SLC27A4: variants seen among roughly 807,000 people sequenced by gnomAD.
SLC27A4 encodes long-chain fatty acid transport protein 4.
In SLC27A4, 33 loss-of-function variants were observed where a neutral mutation model predicts 64.4. That is an observed-to-expected ratio of 0.51 (90% confidence interval 0.39 to 0.68). The LOEUF (loss-of-function observed/expected upper bound fraction) is 0.68, where lower values mean the gene tolerates loss of function less well. Among genes scored for constraint, SLC27A4 ranks in the 30% least tolerant of loss-of-function variants. The probability of loss-of-function intolerance (pLI) is 0.00; values close to 1 mark genes in which losing one functional copy is unlikely to be tolerated. For missense variants in SLC27A4, 824 were observed against 883.5 expected, an observed-to-expected ratio of 0.93 and a Z score of 0.85; for synonymous variants, 377 against 370.0, an observed-to-expected ratio of 1.02 and a Z score of -0.22.
In SLC27A4 at chr9:128,361,193, G is replaced by A. The variant is rs970340057; in HGVS notation, c.*702G>A. 1 of 155,236 alleles carries A rather than the reference G, an allele frequency of 6.4e-6. No homozygotes were observed. The highest frequency in any genetic ancestry group is 1.9e-4 in the East Asian group (1 of 5,214). The allele number at this position is 155,236 out of a possible 1,614,324, so 9.6% of individuals were successfully genotyped here. ...AGGAGGAATGGGAGAGGGGGCTCAG[G>A]GGCCAATAAACTCTGCCTTGAGTCC... On this transcript the variant is annotated 3_prime_UTR_variant, in exon 13 of 13. Transcript: ENST00000300456.
intron 1 of SLC27A4, chr9:128,342,911 C>T (rs1404480825): frequency 3.3e-6 from 2 of 602,034 alleles, no homozygotes; most frequent in Admixed American, 5.9e-5. Flanking sequence ...CTGCTTCTCA[C>T]TCTTGGAATT....
At chr9:128,359,082 A>T (rs1011060796) in intron 12 of SLC27A4, among the ~76,000 whole-genome samples, 1 of 152,226 alleles carries the variant, frequency 6.6e-6, no homozygotes, top group Admixed American at 6.5e-5. Context: ...GTGTGTGTAC[A>T]GGGAGGGGAG....
rs146902785 is a variant in SLC27A4, at chr9:128,345,349, A to T, written c.356A>T (p.Gln119Leu). Residue 119 changes from glutamine (Q) to leucine (L), a missense_variant, in exon 3 of 13, where the codon CAG (glutamine) becomes CTG (leucine). Transcript: ENST00000300456. This position sits in a 1 kb window ranked among gnomAD's most constrained non-coding sequence, Gnocchi z 4.1. ...TCAAGCAGTGTAGCCAACTTCCTGC[A>T]GGCCCGGGGCCTGGCCTCGGGCGAT... ...EYSSSVANFL[Q>L]ARGLASGDVA... 2.7e-4 allele frequency: 441 copies of T among 1,613,714 alleles called. No individual in the cohort carries two copies. Among genetic ancestry groups the T allele is most frequent in the Non-Finnish European group, 3.6e-4 (429 of 1,180,022 alleles).
At chr9:128,355,366 G>A in intron 10 of SLC27A4, 32 bp from the exon 11 acceptor site, 1 of 1,612,408 alleles carries the variant, frequency 6.2e-7, no homozygotes, top group Non-Finnish European at 8.5e-7. Context: ...AGCTGGCCAG[G>A]CCCAGCCCTG....
chr9:128,357,116 G>A (rs1441409285), intron 12 of SLC27A4, among the ~76,000 whole-genome samples: 5 of 148,052 alleles, frequency 3.4e-5, no homozygotes, highest in Non-Finnish European at 7.5e-5. Context: ...AAAAAAATTA[G>A]CCAGGCATGG....
At position 128,352,198 on chromosome 9, in the gene SLC27A4, A is replaced by C. The variant is rs561491647; in HGVS notation, c.878-440A>C. ...CGACAGAGCGAGACTCCGTCTCAAA[A>C]AAAAAAAAAAAAGTTGTTTTAAATT... On this transcript the variant is annotated intron_variant, in intron 6 of 12. Coordinates refer to ENST00000300456, the MANE Select transcript of SLC27A4 (RefSeq NM_005094.4). 3.8e-3 allele frequency among the ~76,000 whole-genome samples: 581 copies of C among 152,080 alleles called. 3 individuals are homozygous for C. Among genetic ancestry groups the C allele is most frequent in the Non-Finnish European group, 6.8e-3 (459 of 67,938 alleles).
chr9:128,358,907 T>A (rs1269504436), intron 12 of SLC27A4, among the ~76,000 whole-genome samples: 1 of 152,234 alleles, frequency 6.6e-6, no homozygotes. Context: ...AGGTGGAAGA[T>A]GCAAGGTCCC....
Position 128,353,074 on chromosome 9 carries a change from C to T in SLC27A4, c.1037C>T (p.Pro346Leu), listed in dbSNP as rs1411152989. ...TGCCGCTACCTCCTGAACCAGCCACCGCGGGAGGCAGAAAACCAGCACCAG... is the reference window on the plus strand; with the variant it reads ...TGCCGCTACCTCCTGAACCAGCCACTGCGGGAGGCAGAAAACCAGCACCAG... The part of the protein sequence containing the change: ...ELCRYLLNQP[P>L]REAENQHQVR... The change falls in exon 8 of 13, where the codon CCG becomes CTG. Residue 346 changes from proline (P) to leucine (L), a missense_variant. Physicochemically the swap from Pro to Leu is moderately conservative, Grantham distance 98 (BLOSUM62 -3). Transcript: ENST00000300456. The surrounding 1 kb of genome is among the most constrained non-coding windows in gnomAD (Gnocchi z 4.9). The T allele has an allele frequency of 8.7e-6, 14 of 1,613,972 alleles. No homozygotes were observed. The highest frequency in any genetic ancestry group is 5.0e-5 in the Admixed American group (3 of 59,980).
In SLC27A4 at chr9:128,355,122, A is replaced by G. The variant is rs558640688; in HGVS notation, c.1394A>G (p.Asn465Ser). 2.5e-6 allele frequency: 4 copies of G among 1,613,552 alleles called. No individual in the cohort carries two copies. The highest frequency in any genetic ancestry group is 2.2e-5 in the South Asian group (2 of 91,060). The change falls in exon 10 of 13, where the codon AAC becomes AGC. Residue 465 changes from asparagine to serine, a missense_variant. Asn to Ser is a conservative substitution (Grantham distance 46). Transcript: ENST00000300456. ...DPLRRFDGYLNQGANNKKIAK... is the reference protein window; with the variant it reads ...DPLRRFDGYLSQGANNKKIAK... The stretch of plus-strand genomic sequence containing the variant: ...CTGCGCCGCTTCGATGGCTACCTCA[A>G]CCAGGGCGCCAACAACAAGAAGATT...
At position 128,343,234 on chromosome 9, in the gene SLC27A4, G is replaced by T; in HGVS notation, c.102G>T (p.Leu34Phe). Residue 34 changes from leucine to phenylalanine, a missense_variant, in exon 2 of 13, where the codon TTG becomes TTT. By Grantham distance (22) the Leu-to-Phe change is conservative (BLOSUM62 0). Coordinates refer to ENST00000300456, the MANE Select transcript of SLC27A4 (RefSeq NM_005094.4). The stretch of plus-strand genomic sequence containing the variant: ...GATTCTCCCTGTTGTTCCTCTACTT[G>T]GGATCTGGCGGCTGGCGCTTCATCC... ...QVGFSLLFLY[L>F]GSGGWRFIRV... 6.2e-7 allele frequency: 1 copy of T among 1,614,166 alleles called. No individual in the cohort carries two copies. Among genetic ancestry groups the T allele is most frequent in the Non-Finnish European group, 8.5e-7 (1 of 1,180,028 alleles).
chr9:128,356,609 G>A (rs539334340), intron 12 of SLC27A4, among the ~76,000 whole-genome samples: 12 of 152,300 alleles, frequency 7.9e-5, no homozygotes, highest in Non-Finnish European at 1.5e-4. Context: ...TTCGAGACCA[G>A]CCTGCCCAAC....
intron 2 of SLC27A4, among the ~76,000 whole-genome samples, chr9:128,343,543 T>G (rs1832609534): frequency 6.6e-6 from 1 of 152,188 alleles, no homozygotes; most frequent in Non-Finnish European, 1.5e-5. Flanking sequence ...AGGCTTGGCC[T>G]AGGACGTACA....
chr9:128,359,416 G>T (rs968894000), intron 12 of SLC27A4, among the ~76,000 whole-genome samples: 1 of 152,134 alleles, frequency 6.6e-6, no homozygotes, highest in Non-Finnish European at 1.5e-5. Context: ...CTGAGATCAG[G>T]AGTTCGAGAC....
At position 128,345,354 on chromosome 9, in the gene SLC27A4, C is replaced by T. The variant is rs772343794; in HGVS notation, c.361C>T (p.Arg121Trp). 10 of 1,613,754 alleles carry T rather than the reference C, an allele frequency of 6.2e-6. No homozygotes were observed. The highest frequency in any genetic ancestry group is 2.2e-5 in the East Asian group (1 of 44,866). Reference protein sequence around the residue: ...SSSVANFLQARGLASGDVAAI... With the variant: ...SSSVANFLQAWGLASGDVAAI... ...CAGTGTAGCCAACTTCCTGCAGGCC[C>T]GGGGCCTGGCCTCGGGCGATGTGGC... Residue 121 changes from arginine to tryptophan, a missense_variant, in exon 3 of 13, where the codon CGG (arginine) becomes TGG (tryptophan). Transcript: ENST00000300456. This position sits in a 1 kb window ranked among gnomAD's most constrained non-coding sequence, Gnocchi z 4.1.
intron 12 of SLC27A4, among the ~76,000 whole-genome samples, chr9:128,356,591 G>A (rs779190707): frequency 6.6e-6 from 1 of 152,172 alleles, no homozygotes; most frequent in Non-Finnish European, 1.5e-5. Flanking sequence ...ATCACTTGAG[G>A]TCAGGAGTTC....
rs139712194 is a variant in SLC27A4 at position 128,345,513 on chromosome 9, G to A, written c.520G>A (p.Ala174Thr). The A allele has an allele frequency of 2.1e-4, 345 of 1,608,926 alleles. No homozygotes were observed. The highest frequency in any genetic ancestry group is 2.8e-4 in the Non-Finnish European group (328 of 1,178,316). The stretch of plus-strand genomic sequence containing the variant: ...GCTCCACTGCCTCACCACCTCGCGC[G>A]CACGGGCCCTTGTCTTTGGCAGCGA... ...ALLHCLTTSRARALVFGSEMA... is the reference protein window; with the variant it reads ...ALLHCLTTSRTRALVFGSEMA... The change falls in exon 3 of 13, where the codon GCA (alanine) becomes ACA (threonine). Residue 174 changes from alanine (A) to threonine (T), a missense_variant. By Grantham distance (58) the Ala-to-Thr change is moderately conservative. Transcript: ENST00000300456. This position sits in a 1 kb window ranked among gnomAD's most constrained non-coding sequence, Gnocchi z 4.1.
chr9:128,341,996 C>G (rs1832579737), intron 1 of SLC27A4, among the ~76,000 whole-genome samples: 1 of 152,158 alleles, frequency 6.6e-6, no homozygotes, highest in Admixed American at 6.5e-5. Flanking sequence ...CTCGGCCTCC[C>G]AAAGTGCTGG....
chr9:128,353,956 G>A lies in SLC27A4; in HGVS notation c.1324+415G>A, dbSNP rs544819696. Among the ~76,000 whole-genome samples, 301 of 151,122 alleles carry A rather than the reference G, an allele frequency of 2.0e-3. 2 individuals are homozygous for A. The highest frequency in any genetic ancestry group is 3.1e-3 in the Non-Finnish European group (212 of 67,932). The stretch of plus-strand genomic sequence containing the variant: ...GACGGGGTTTCACCGTTTTAGCCGG[G>A]ATGGTCTCGATCTCCTGACCTCGTG... On this transcript the variant is annotated intron_variant, in intron 9 of 12. Coordinates refer to ENST00000300456, the MANE Select transcript of SLC27A4 (RefSeq NM_005094.4). The surrounding 1 kb of genome is among the most constrained non-coding windows in gnomAD (Gnocchi z 4.9).
intron 4 of SLC27A4, among the ~76,000 whole-genome samples, chr9:128,349,233 C>T (rs545622462): frequency 6.6e-6 from 1 of 152,330 alleles, no homozygotes; most frequent in East Asian, 1.9e-4. Flanking sequence ...CCTGGTTCTT[C>T]TGCTCTTCTC....
Sources: allele counts gnomAD v4.1 joint callset (sites outside exome capture counted in the v4.1 genomes callset), GRCh38; gene constraint gnomAD v4.1.1; non-coding constraint Gnocchi (gnomAD v3.1); transcripts MANE v1.5; gene names NCBI Gene and HGNC (gene_info 2026-07-23, HGNC 2026-07-21).